SLC16A4: variants seen among roughly 807,000 people sequenced by gnomAD.
SLC16A4 encodes the protein probable monocarboxylate transporter 5.
A neutral mutation model predicts 47.9 loss-of-function variants in SLC16A4; 39 were observed. The observed-to-expected ratio is 0.81, with a 90% CI of 0.63 to 1.06. The LOEUF is 1.06. Among genes scored for constraint, SLC16A4 ranks in the 50% least tolerant of loss-of-function variants. The pLI is 0.00. For missense variants in SLC16A4, 524 were observed against 573.8 expected (o/e 0.91, Z 0.89); for synonymous variants, 189 against 199.9 (o/e 0.95, Z 0.46).
intron 2 of SLC16A4, among the ~76,000 whole-genome samples, chr1:110,383,373 C>A (rs1662534314): frequency 6.6e-6 from 1 of 152,164 alleles, no homozygotes; most frequent in South Asian, 2.1e-4. Flanking sequence ...CAATCAGTTT[C>A]CCCGAGCTTT....
chr1:110,386,004 C>T (rs1201532554), intron 2 of SLC16A4, among the ~76,000 whole-genome samples: 1 of 152,174 alleles, frequency 6.6e-6, no homozygotes, highest in Admixed American at 6.5e-5. Flanking sequence ...TACAGTGCAT[C>T]ATTCTGTAAA....
Position 110,390,946 on chromosome 1 carries a change from T to C in SLC16A4, c.-114A>G, listed in dbSNP as rs534536622. The C allele has an allele frequency of 3.3e-5, 5 of 152,334 alleles. No individual in the cohort carries two copies. The highest frequency in any genetic ancestry group is 3.3e-4 in the Admixed American group (5 of 15,304). 9.4% of individuals were successfully genotyped at this position (152,334 alleles called of 1,614,324 possible). A position where few individuals can be genotyped will look rare whatever the true frequency, so the allele number is the denominator to read the frequency against. ...AAATAAATTACACCGTTTTCTGGAATGTTACTCTTTTTCTAAGGCATTTCA... is the reference window on the plus strand; with the variant it reads ...AAATAAATTACACCGTTTTCTGGAACGTTACTCTTTTTCTAAGGCATTTCA... On this transcript the variant is annotated 5_prime_UTR_variant, in exon 1 of 9. Transcript: ENST00000369779.
chr1:110,378,780 T>A, intron 6 of SLC16A4, 73 bp downstream of exon 6: 7 of 1,502,150 alleles, frequency 4.7e-6, no homozygotes, highest in Non-Finnish European at 6.2e-6. Context: ...TAGCTTTTTA[T>A]TAAAATGTAA....
chr1:110,378,968 A>C lies in SLC16A4; in HGVS notation c.915T>G (p.Thr305=), dbSNP rs1002548055. Residue 305 remains threonine (T), a synonymous_variant, in exon 6 of 9, where the codon ACT becomes ACG. Coordinates refer to ENST00000369779, the MANE Select transcript of SLC16A4 (RefSeq NM_004696.3). ...CTAACTGACTGAGGAGAAAAGACCA[A>C]GTAAATATGTAGAAGAAAGGATTTC... The part of the protein sequence containing the change: ...LFRNPFFYIF[T]WSFLLSQLAY... The C allele has an allele frequency of 6.2e-7, 1 of 1,614,218 alleles. No homozygotes were observed. The highest frequency in any genetic ancestry group is 1.3e-5 in the African/African-American group (1 of 75,044).
At chr1:110,368,702 C>A (rs975553457) in intron 8 of SLC16A4, among the ~76,000 whole-genome samples, 1 of 152,126 alleles carries the variant, frequency 6.6e-6, no homozygotes, top group Non-Finnish European at 1.5e-5. Context: ...TTGGGCTGAG[C>A]TTCTTTAAAT....
intron 2 of SLC16A4, among the ~76,000 whole-genome samples, chr1:110,383,805 G>GGTTTTTTTTTTTTTT (rs1557913543): frequency 3.0e-5 from 2 of 65,740 alleles, no homozygotes; most frequent in East Asian, 1.1e-3. Flanking sequence ...TTAAAAGGAG[G>GGTTTTTTTTTTTTTT]TTTTTTTTTT....
chr1:110,387,119 T>C (rs577650829), intron 2 of SLC16A4, among the ~76,000 whole-genome samples: 2 of 152,302 alleles, frequency 1.3e-5, no homozygotes, highest in Admixed American at 1.3e-4. Context: ...TGTGTGCAGC[T>C]ATCAATTCAT....
chr1:110,381,376 C>T (rs1032835997), intron 4 of SLC16A4, among the ~76,000 whole-genome samples: 3 of 152,176 alleles, frequency 2.0e-5, no homozygotes, highest in African/African-American at 7.2e-5. Flanking sequence ...GACTGGAGTG[C>T]AGTGGCACAA....
At position 110,382,948 on chromosome 1, in the gene SLC16A4, C is replaced by T; in HGVS notation, c.106G>A (p.Gly36Arg). ...HFFLVNVFVM[G>R]MTKTFAIFFV... ...AAAATTGCAAAAGTCTTGGTCATCC[C>T]CATCACAAACACATTCACCTAAATC... The change falls in exon 3 of 9, where the codon GGG (glycine) becomes AGG (arginine). Residue 36 changes from glycine (G) to arginine (R), a missense_variant. Gly to Arg is a moderately radical substitution (Grantham distance 125). Transcript: ENST00000369779. 6.2e-7 allele frequency: 1 copy of T among 1,609,960 alleles called. No individual in the cohort carries two copies. Among genetic ancestry groups the T allele is most frequent in the Non-Finnish European group, 8.5e-7 (1 of 1,177,310 alleles).
chr1:110,390,727 G>A (rs1323213344), intron 1 of SLC16A4, 138 bp downstream of exon 1: 1 of 152,214 alleles, frequency 6.6e-6, no homozygotes, highest in Non-Finnish European at 1.5e-5. Flanking sequence ...TCGGGTCGAA[G>A]GCTGACTGTT....
chr1:110,379,657 C>T (rs1267518436), intron 5 of SLC16A4: 1 of 263,618 alleles, frequency 3.8e-6, no homozygotes, highest in Non-Finnish European at 7.2e-6. Context: ...GTTTCAAATG[C>T]TAAAAAATTA....
chr1:110,381,217 G>T, intron 4 of SLC16A4, 74 bp from the exon 5 acceptor site: 1 of 1,410,796 alleles, frequency 7.1e-7, no homozygotes, highest in Non-Finnish European at 9.9e-7. Flanking sequence ...TAATCTCCTG[G>T]ATCCGAGATA....
At chr1:110,385,889 C>G (rs1207208341) in intron 2 of SLC16A4, among the ~76,000 whole-genome samples, 2 of 152,156 alleles carry the variant, frequency 1.3e-5, no homozygotes, top group African/African-American at 4.8e-5. Context: ...TTCTGTCAGG[C>G]TAGAAATTAG....
Position 110,379,065 on chromosome 1 carries a change from AAT to A in SLC16A4, c.816_817del (p.Leu272PhefsTer4). On this transcript the variant is annotated frameshift_variant, in exon 6 of 9. Coordinates refer to ENST00000369779, the MANE Select transcript of SLC16A4 (RefSeq NM_004696.3). LOFTEE classifies it high-confidence loss of function. Reference sequence around the variant, plus strand: ...CTTATCACTTTCTTCATCACTCTTTAATAACAGTCTGTTCCTGTTAGGCCCAT... The same window carrying A: ...CTTATCACTTTCTTCATCACTCTTTAAACAGTCTGTTCCTGTTAGGCCCAT... 6.2e-7 allele frequency: 1 copy of A among 1,614,196 alleles called. No homozygotes were observed. The highest frequency in any genetic ancestry group is 8.5e-7 in the Non-Finnish European group (1 of 1,179,998).
At chr1:110,387,231 G>T (rs370378774) in intron 2 of SLC16A4, among the ~76,000 whole-genome samples, 1 of 152,166 alleles carries the variant, frequency 6.6e-6, no homozygotes, top group East Asian at 1.9e-4. Flanking sequence ...ATACTCATGA[G>T]CAATGCAGAC....
At chr1:110,387,098 T>C (rs1318345052) in intron 2 of SLC16A4, among the ~76,000 whole-genome samples, 1 of 152,180 alleles carries the variant, frequency 6.6e-6, no homozygotes, top group Non-Finnish European at 1.5e-5. Flanking sequence ...CCTTATTTGT[T>C]TATTCATAAA....
At position 110,365,023 on chromosome 1, in the gene SLC16A4, C is replaced by T. The variant is rs150616827; in HGVS notation, c.1337-1130G>A. ...AGTATTATCATGACAATAATTTTGG[C>T]CTCCTGGACTTCCTAAAGGGTCTCA... On this transcript the variant is annotated intron_variant, in intron 8 of 8. Transcript: ENST00000369779. 4.5e-4 allele frequency among the ~76,000 whole-genome samples: 68 copies of T among 151,896 alleles called. 2 individuals carry two copies. The East Asian group carries it at 9.9e-3, about 22-fold the overall frequency.
chr1:110,367,812 C>T (rs900328099), intron 8 of SLC16A4, among the ~76,000 whole-genome samples: 10 of 151,962 alleles, frequency 6.6e-5, no homozygotes, highest in African/African-American at 1.4e-4. Flanking sequence ...GGACCCTAAA[C>T]GGTTTAATGC....
At chr1:110,364,711 A>C (rs1661283647) in intron 8 of SLC16A4, among the ~76,000 whole-genome samples, 1 of 151,924 alleles carries the variant, frequency 6.6e-6, no homozygotes, top group Non-Finnish European at 1.5e-5. Flanking sequence ...GAGTTTCGCC[A>C]TGTTGGCCAG....
Sources: gnomAD v4.1 joint callset for allele counts (sites outside exome capture counted in the v4.1 genomes callset) on GRCh38, gnomAD v4.1.1 for gene constraint, MANE v1.5 for transcripts, NCBI Gene and HGNC (gene_info 2026-07-23, HGNC 2026-07-21) for gene names.